The following GRID1 variants were observed in gnomAD, a reference collection of about 807,000 sequenced individuals.
The protein encoded by GRID1 is glutamate ionotropic receptor delta type subunit 1, also known as glutamate receptor ionotropic, delta-1.
Under a neutral mutation model 98.0 loss-of-function variants are expected in GRID1, and 28 were observed. The observed-to-expected ratio is 0.29, with a 90% CI of 0.21 to 0.39. GRID1 has a LOEUF of 0.39. GRID1 is among the 10% of genes least tolerant of loss of function. GRID1 has a pLI of 1.00. For synonymous variants in GRID1, 553 were observed against 538.5 expected (o/e 1.03, Z -0.37); for missense variants, 1,111 against 1,340.5 (o/e 0.83, Z 2.67).
intron 4 of GRID1, among the ~76,000 whole-genome samples, chr10:86,100,664 C>T (rs1238582196): frequency 6.6e-6 from 1 of 152,190 alleles, no homozygotes; most frequent in Non-Finnish European, 1.5e-5. Flanking sequence ...ATTCACTCCC[C>T]TCCCTGTAGG....
At chr10:85,651,749 C>A (rs973978407) in intron 12 of GRID1, among the ~76,000 whole-genome samples, 1 of 152,206 alleles carries the variant, frequency 6.6e-6, no homozygotes, top group African/African-American at 2.4e-5. Flanking sequence ...AGGCTGCCTG[C>A]CAGAGTCTGC....
intron 13 of GRID1, 119 bp from the exon 14 acceptor site, chr10:85,620,152 C>G: frequency 1.3e-6 from 1 of 745,564 alleles, no homozygotes; most frequent in Non-Finnish European, 2.3e-6. Flanking sequence ...TTCCTACCCA[C>G]CAGACAGCAC....
chr10:86,038,537 T>C (rs1164511627), intron 4 of GRID1, among the ~76,000 whole-genome samples: 2 of 152,216 alleles, frequency 1.3e-5, no homozygotes, highest in African/African-American at 4.8e-5. Flanking sequence ...TCAAAGCCCA[T>C]TAGCTTTCAG....
At chr10:86,036,711 C>T (rs780665601) in intron 4 of GRID1, among the ~76,000 whole-genome samples, 2 of 152,182 alleles carry the variant, frequency 1.3e-5, no homozygotes, top group African/African-American at 2.4e-5. Flanking sequence ...GGCTCTCCAC[C>T]GCCCACTTGG....
intron 8 of GRID1, among the ~76,000 whole-genome samples, chr10:85,803,068 A>G (rs558370947): frequency 5.3e-5 from 8 of 152,254 alleles, no homozygotes; most frequent in Admixed American, 3.9e-4. Flanking sequence ...GGTGGTTACC[A>G]GAGGCTGGGA....
At chr10:85,714,120 TA>T (rs1377187678) in intron 12 of GRID1, among the ~76,000 whole-genome samples, 1 of 151,986 alleles carries the variant, frequency 6.6e-6, no homozygotes, top group Non-Finnish European at 1.5e-5. Context: ...TGGATAGAGC[TA>T]AAGGCCATTA....
intron 2 of GRID1, among the ~76,000 whole-genome samples, chr10:86,297,087 T>C (rs1442052847): frequency 6.6e-6 from 1 of 152,234 alleles, no homozygotes; most frequent in Non-Finnish European, 1.5e-5. Flanking sequence ...AGTTAACTTA[T>C]ACATTTAATT....
chr10:86,323,026 T>G (rs1008639319), intron 2 of GRID1, among the ~76,000 whole-genome samples: 13 of 151,198 alleles, frequency 8.6e-5, no homozygotes, highest in African/African-American at 2.9e-4. Context: ...ACCTGGGAGG[T>G]GCAGAAGTTG....
chr10:86,291,010 G>A (rs1485237703), intron 2 of GRID1, among the ~76,000 whole-genome samples: 1 of 152,196 alleles, frequency 6.6e-6, no homozygotes, highest in Admixed American at 6.5e-5. Context: ...CTCAAAGGGA[G>A]GAGCAGCAAA....
At chr10:85,653,116 C>T (rs546805168) in intron 12 of GRID1, among the ~76,000 whole-genome samples, 8 of 152,302 alleles carry the variant, frequency 5.3e-5, no homozygotes, top group South Asian at 4.1e-4. Flanking sequence ...TGTTTTCCAA[C>T]GCTTTAAAAT....
chr10:85,913,790 CA>C (rs1212553764), intron 5 of GRID1, among the ~76,000 whole-genome samples: 1 of 151,890 alleles, frequency 6.6e-6, no homozygotes, highest in Non-Finnish European at 1.5e-5. Context: ...ACTCCAGTCT[CA>C]AAAAATAAAA....
intron 8 of GRID1, among the ~76,000 whole-genome samples, chr10:85,759,613 TA>T (rs1192563087): frequency 1.3e-5 from 2 of 152,218 alleles, no homozygotes; most frequent in Admixed American, 6.5e-5. Context: ...TGGAAAATAA[TA>T]TTTTTTTATA....
intron 5 of GRID1, among the ~76,000 whole-genome samples, chr10:85,904,697 A>C (rs532217459): frequency 1.5e-3 from 221 of 152,184 alleles, no homozygotes; most frequent in Middle Eastern, 0.014. Flanking sequence ...TAGAAATCAA[A>C]ACTACAATGT....
intron 5 of GRID1, among the ~76,000 whole-genome samples, chr10:85,901,239 ATTTATTTATTTAT>A (rs1469929630): frequency 1.3e-5 from 2 of 149,476 alleles, no homozygotes; most frequent in East Asian, 3.9e-4. Flanking sequence ...TTATTTATTT[ATTTATTTATTTAT>A]TTATTTATTT....
chr10:86,293,235 G>A (rs1458334189), intron 2 of GRID1, among the ~76,000 whole-genome samples: 1 of 152,154 alleles, frequency 6.6e-6, no homozygotes, highest in Non-Finnish European at 1.5e-5. Context: ...GCCCATGCAG[G>A]GCTGCCATGG....
rs537616675 is a variant in GRID1 at position 85,946,987 on chromosome 10, A to C, written c.727-30748T>G. Among the ~76,000 whole-genome samples, 5 of 152,318 alleles carry C rather than the reference A, an allele frequency of 3.3e-5. No individual in the cohort carries two copies. The East Asian group carries it at 9.6e-4, about 29-fold the overall frequency. On this transcript the variant is annotated intron_variant, in intron 4 of 15. Coordinates refer to ENST00000327946, the MANE Select transcript of GRID1 (RefSeq NM_017551.3). ...GAGAGACAACAGCAAGTCCAGAAGG[A>C]ACAGTGTATGGCTCAGAAGAGGCGC...
Position 85,916,265 on chromosome 10 carries a change from G to A in GRID1, c.727-26C>T. The A allele has an allele frequency of 1.9e-6, 3 of 1,581,476 alleles. No individual in the cohort carries two copies. Among genetic ancestry groups the A allele is most frequent in the Non-Finnish European group, 2.6e-6 (3 of 1,150,496 alleles). The stretch of plus-strand genomic sequence containing the variant: ...CTGCAGAGAGAAAAAGAACGAACAT[G>A]AACAGAAGCAAGACAGAAGCTGGCA... On this transcript the variant is annotated intron_variant, in intron 4 of 15. Coordinates refer to ENST00000327946, the MANE Select transcript of GRID1 (RefSeq NM_017551.3). This position sits in a 1 kb window ranked among gnomAD's most constrained non-coding sequence, Gnocchi z 4.0.
At chr10:85,920,907 G>A (rs922563607) in intron 4 of GRID1, among the ~76,000 whole-genome samples, 2 of 152,162 alleles carry the variant, frequency 1.3e-5, no homozygotes, top group Admixed American at 6.5e-5. Context: ...TGGGAACTAG[G>A]GCCCAATAAG....
intron 12 of GRID1, among the ~76,000 whole-genome samples, chr10:85,692,440 T>C (rs915132615): frequency 2.0e-5 from 3 of 152,062 alleles, no homozygotes; most frequent in African/African-American, 2.4e-5. Flanking sequence ...GGTGGGTGGA[T>C]TGCGTGACCC....
Sources: allele counts gnomAD v4.1 joint callset (sites outside exome capture counted in the v4.1 genomes callset), GRCh38; gene constraint gnomAD v4.1.1; non-coding constraint Gnocchi (gnomAD v3.1); transcripts MANE v1.5; gene names NCBI Gene and HGNC (gene_info 2026-07-23, HGNC 2026-07-21).